CBLB: variants seen among roughly 807,000 people sequenced by gnomAD.
CBLB encodes the protein E3 ubiquitin-protein ligase CBL-B.
CBLB carries 31 observed loss-of-function variants against 104.9 expected under a neutral mutation model. The observed-to-expected ratio is 0.30, with a 90% CI of 0.22 to 0.40. The LOEUF is 0.40. Ranked by LOEUF, CBLB falls within the 10% of genes least tolerant of loss-of-function variation. The pLI is 1.00. For synonymous variants in CBLB, 440 were observed against 422.6 expected, an observed-to-expected ratio of 1.04 and a Z score of -0.51; for missense variants, 1,062 against 1,214.6, an observed-to-expected ratio of 0.87 and a Z score of 1.87.
intron 4 of CBLB, among the ~76,000 whole-genome samples, chr3:105,767,659 T>C (rs779949042): frequency 2.6e-5 from 4 of 151,992 alleles, no homozygotes; most frequent in Non-Finnish European, 4.4e-5. Context: ...TGGACCACTT[T>C]TAAAGGTTTC....
intron 4 of CBLB, among the ~76,000 whole-genome samples, chr3:105,775,362 A>AAAAAACAAAAAC (rs374942957): frequency 6.7e-6 from 1 of 150,134 alleles, no homozygotes; most frequent in Admixed American, 6.6e-5. Flanking sequence ...CTTTGTAAAG[A>AAAAAACAAAAAC]AAAAACAAAA....
chr3:105,766,070 GAATTCCA>G (rs1438101388), intron 4 of CBLB, among the ~76,000 whole-genome samples: 1 of 152,162 alleles, frequency 6.6e-6, no homozygotes, highest in Admixed American at 6.5e-5. Context: ...TGGAAACAGT[GAATTCCA>G]AATCTCATGG....
At chr3:105,784,896 G>GT (rs910311682) in intron 3 of CBLB, among the ~76,000 whole-genome samples, 1 of 152,062 alleles carries the variant, frequency 6.6e-6, no homozygotes, top group Non-Finnish European at 1.5e-5. Flanking sequence ...TCTGCTTTCC[G>GT]TGAGTTAAGC....
rs546998520 is a variant in CBLB, at chr3:105,745,519, T to C, written c.845+398A>G. ...TAAACTTACATGTATATTTATGTGTTCATGTGCATGTATATGTACTTATAT... is the reference window on the plus strand; with the variant it reads ...TAAACTTACATGTATATTTATGTGTCCATGTGCATGTATATGTACTTATAT... On this transcript the variant is annotated intron_variant, in intron 6 of 18. Coordinates refer to ENST00000394030, the MANE Select transcript of CBLB (RefSeq NM_170662.5). Among the ~76,000 whole-genome samples, 7 of 152,370 alleles carry C rather than the reference T, an allele frequency of 4.6e-5. No homozygotes were observed. The South Asian group carries it at 1.4e-3, about 32-fold the overall frequency.
chr3:105,759,505 G>C (rs2077404419), intron 4 of CBLB, among the ~76,000 whole-genome samples: 1 of 152,180 alleles, frequency 6.6e-6, no homozygotes. Flanking sequence ...TCACCTGCAG[G>C]CCCATGCGGA....
intron 3 of CBLB, among the ~76,000 whole-genome samples, chr3:105,777,410 C>A (rs1401734733): frequency 6.6e-6 from 1 of 152,114 alleles, no homozygotes; most frequent in Admixed American, 6.5e-5. Flanking sequence ...GCTGAGGTGG[C>A]CAAATGGCTA....
chr3:105,777,645 G>T (rs753957569), intron 3 of CBLB, among the ~76,000 whole-genome samples: 1 of 152,106 alleles, frequency 6.6e-6, no homozygotes, highest in Non-Finnish European at 1.5e-5. Context: ...AAAGAGAAAA[G>T]AAATAAATGG....
At chr3:105,792,155 G>A (rs1054141685) in intron 3 of CBLB, among the ~76,000 whole-genome samples, 4 of 152,156 alleles carry the variant, frequency 2.6e-5, no homozygotes, top group Non-Finnish European at 5.9e-5. Context: ...ATCCCCAGGT[G>A]ATTCTTATGC....
At chr3:105,756,693 CATTA>C (rs2077111405) in intron 4 of CBLB, among the ~76,000 whole-genome samples, 1 of 152,098 alleles carries the variant, frequency 6.6e-6, no homozygotes. Context: ...GTACTCTTTA[CATTA>C]ATTAAGACAA....
intron 18 of CBLB, among the ~76,000 whole-genome samples, chr3:105,664,872 A>G (rs1283165016): frequency 6.6e-6 from 1 of 152,180 alleles, no homozygotes; most frequent in African/African-American, 2.4e-5. Context: ...CATCACTATT[A>G]TCATGATTTT....
chr3:105,766,208 A>C (rs1284611504), intron 4 of CBLB, among the ~76,000 whole-genome samples: 1 of 152,194 alleles, frequency 6.6e-6, no homozygotes, highest in Non-Finnish European at 1.5e-5. Context: ...ATCTCATAAA[A>C]TTTGAACAGA....
At chr3:105,784,677 TC>T (rs1356723319) in intron 3 of CBLB, among the ~76,000 whole-genome samples, 3 of 152,168 alleles carry the variant, frequency 2.0e-5, no homozygotes, top group Non-Finnish European at 4.4e-5. Flanking sequence ...ACATAATTGA[TC>T]AGTTTTTTTT....
intron 4 of CBLB, among the ~76,000 whole-genome samples, chr3:105,768,670 T>C (rs1408194461): frequency 6.6e-6 from 1 of 152,224 alleles, no homozygotes; most frequent in Non-Finnish European, 1.5e-5. Flanking sequence ...AGAAAGTCAT[T>C]GAAGACTCTT....
At chr3:105,741,260 C>T (rs540355146) in intron 6 of CBLB, among the ~76,000 whole-genome samples, 6 of 152,298 alleles carry the variant, frequency 3.9e-5, no homozygotes, top group Admixed American at 3.3e-4. Flanking sequence ...GCCATCTCGG[C>T]TCACTGCAAC....
At chr3:105,746,494 T>C (rs1291660108) in intron 5 of CBLB, among the ~76,000 whole-genome samples, 1 of 152,206 alleles carries the variant, frequency 6.6e-6, no homozygotes, top group Non-Finnish European at 1.5e-5. Flanking sequence ...ACTTTCTGCA[T>C]CTTCTCCAGC....
At chr3:105,847,394 A>AC (rs2090389524) in intron 3 of CBLB, among the ~76,000 whole-genome samples, 1 of 110,258 alleles carries the variant, frequency 9.1e-6, no homozygotes, top group Non-Finnish European at 1.7e-5. Flanking sequence ...ACCCTCCACC[A>AC]CACACACACA....
At chr3:105,677,223 A>G (rs954734874) in intron 17 of CBLB, among the ~76,000 whole-genome samples, 1 of 152,218 alleles carries the variant, frequency 6.6e-6, no homozygotes, top group Non-Finnish European at 1.5e-5. Context: ...TTACTGATGT[A>G]AAAGCAGAAG....
chr3:105,858,109 G>C (rs1052597437), intron 2 of CBLB, among the ~76,000 whole-genome samples: 6 of 152,166 alleles, frequency 3.9e-5, no homozygotes, highest in Admixed American at 2.0e-4. Context: ...ATCTGAAATA[G>C]GCCAGAGTCA....
rs13090541 is a variant in CBLB, at chr3:105,691,806, C to T, written c.2054+1688G>A. ...TGATCTAATTCGCTGAGTTTCCCACCGTCCCCTGAATGATGCCAAATTTCA... is the reference window on the plus strand; with the variant it reads ...TGATCTAATTCGCTGAGTTTCCCACTGTCCCCTGAATGATGCCAAATTTCA... On this transcript the variant is annotated intron_variant, in intron 13 of 18. Transcript: ENST00000394030. Among the ~76,000 whole-genome samples, 1,179 of 152,224 alleles carry T rather than the reference C, an allele frequency of 7.7e-3. 9 individuals carry two copies. The highest frequency in any genetic ancestry group is 0.011 in the Non-Finnish European group (772 of 68,006).
Sources: gnomAD v4.1 joint callset for allele counts (sites outside exome capture counted in the v4.1 genomes callset) on GRCh38, gnomAD v4.1.1 for gene constraint, MANE v1.5 for transcripts, NCBI Gene and HGNC (gene_info 2026-07-23, HGNC 2026-07-21) for gene names.